Variants in BEND7 observed in about 807,000 individuals in gnomAD.
BEND7 encodes the protein BEN domain containing 7.
In BEND7, 28 loss-of-function variants were observed where a neutral mutation model predicts 50.9. The observed-to-expected ratio is 0.55, with a 90% CI of 0.41 to 0.75. The LOEUF is 0.75. Ranked by LOEUF, BEND7 falls within the 30% of genes least tolerant of loss-of-function variation. The pLI is 0.00. For synonymous variants in BEND7, 170 were observed against 183.9 expected, an observed-to-expected ratio of 0.92 and a Z score of 0.61; for missense variants, 477 against 491.3, an observed-to-expected ratio of 0.97 and a Z score of 0.28.
At position 13,472,502 on chromosome 10, in the gene BEND7, G is replaced by A. The variant is rs561155675; in HGVS notation, c.1063+8397C>T. ...TGCTGTTAGACTCGGGGCTGATATCGTCATCATTGTTAGACTTGGGGCTGG... is the reference window on the plus strand; with the variant it reads ...TGCTGTTAGACTCGGGGCTGATATCATCATCATTGTTAGACTTGGGGCTGG... On this transcript the variant is annotated intron_variant, in intron 6 of 8. Transcript: ENST00000466271. Among the ~76,000 whole-genome samples the A allele has an allele frequency of 3.3e-4, 49 of 150,450 alleles. 1 individual carries two copies. In the South Asian group the frequency reaches 9.6e-3, roughly 30 times the overall value.
At chr10:13,485,231 G>A (rs1239321168) in intron 5 of BEND7, among the ~76,000 whole-genome samples, 1 of 152,006 alleles carries the variant, frequency 6.6e-6, no homozygotes, top group African/African-American at 2.4e-5. Context: ...TTCTATCATA[G>A]GCTATTTTAT....
At chr10:13,477,877 G>C (rs909632434) in intron 6 of BEND7, among the ~76,000 whole-genome samples, 2 of 152,172 alleles carry the variant, frequency 1.3e-5, no homozygotes, top group Non-Finnish European at 2.9e-5. Flanking sequence ...GGAAATACTG[G>C]TCTGTGTGAA....
intron 6 of BEND7, among the ~76,000 whole-genome samples, chr10:13,464,424 T>G (rs2074021787): frequency 6.6e-6 from 1 of 152,234 alleles, no homozygotes; most frequent in Non-Finnish European, 1.5e-5. Flanking sequence ...CGTGTGATGC[T>G]GTGGCCACAG....
chr10:13,448,702 G>A (rs112237440), intron 7 of BEND7, among the ~76,000 whole-genome samples: 1 of 152,162 alleles, frequency 6.6e-6, no homozygotes, highest in South Asian at 2.1e-4. Context: ...GGTTGGATTA[G>A]ATTAGCAACT....
chr10:13,441,956 T>C (rs186736687), intron 8 of BEND7: 462 of 597,920 alleles, frequency 7.7e-4, no homozygotes, highest in Non-Finnish European at 1.2e-3. Flanking sequence ...AAGCCAGCTT[T>C]TTGTTACAGT....
chr10:13,501,616 A>C (rs2077471163), intron 2 of BEND7, among the ~76,000 whole-genome samples: 2 of 151,724 alleles, frequency 1.3e-5, no homozygotes, highest in African/African-American at 4.8e-5. Flanking sequence ...GGAGGCTGAG[A>C]TGGGAGGGTC....
intron 2 of BEND7, among the ~76,000 whole-genome samples, chr10:13,524,156 C>T (rs1038677913): frequency 6.6e-6 from 1 of 152,196 alleles, no homozygotes; most frequent in Admixed American, 6.5e-5. Context: ...CTTATCCTTA[C>T]AATTCACTTC....
intron 4 of BEND7, among the ~76,000 whole-genome samples, chr10:13,494,621 T>C (rs2132064544): frequency 6.6e-6 from 1 of 152,298 alleles, no homozygotes; most frequent in African/African-American, 2.4e-5. Context: ...ACCCTCAGAA[T>C]CAAAGGGACC....
At chr10:13,493,287 G>C (rs1410165360) in intron 4 of BEND7, among the ~76,000 whole-genome samples, 2 of 152,146 alleles carry the variant, frequency 1.3e-5, no homozygotes, top group African/African-American at 4.8e-5. Flanking sequence ...TTACATTTGG[G>C]GTTAGACTGA....
At chr10:13,453,279 C>G (rs559541544) in intron 6 of BEND7, among the ~76,000 whole-genome samples, 32 of 152,268 alleles carry the variant, frequency 2.1e-4, no homozygotes, top group African/African-American at 7.7e-4. Context: ...CGTGGGAGGG[C>G]TATGCACAGT....
chr10:13,487,660 A>T (rs541827554), intron 5 of BEND7, among the ~76,000 whole-genome samples: 1 of 152,088 alleles, frequency 6.6e-6, no homozygotes, highest in Non-Finnish European at 1.5e-5. Context: ...TGCTAGGATT[A>T]CAGGCGTGAG....
At chr10:13,470,721 G>T (rs1028734684) in intron 6 of BEND7, among the ~76,000 whole-genome samples, 1 of 152,206 alleles carries the variant, frequency 6.6e-6, no homozygotes, top group African/African-American at 2.4e-5. Context: ...CAACGGCAGG[G>T]ATCCGAATTC....
chr10:13,489,524 G>C (rs1056524640), intron 5 of BEND7, among the ~76,000 whole-genome samples: 1 of 152,056 alleles, frequency 6.6e-6, no homozygotes, highest in Non-Finnish European at 1.5e-5. Flanking sequence ...CGGATAAGAA[G>C]AATACCTCAA....
intron 5 of BEND7, among the ~76,000 whole-genome samples, chr10:13,483,688 T>C (rs2076025349): frequency 6.6e-6 from 1 of 152,176 alleles, no homozygotes; most frequent in Non-Finnish European, 1.5e-5. Context: ...CCCCTCCATG[T>C]GTAGGAATCT....
Position 13,452,666 on chromosome 10 carries a change from A to G in BEND7, c.1064-8T>C. The G allele has an allele frequency of 6.4e-7, 1 of 1,574,604 alleles. No homozygotes were observed. The highest frequency in any genetic ancestry group is 1.2e-5 in the South Asian group (1 of 84,410). On this transcript the variant is annotated splice_region_variant and splice_polypyrimidine_tract_variant and intron_variant, in intron 6 of 8. Coordinates refer to ENST00000466271, the MANE Select transcript of BEND7 (RefSeq NM_001369863.1). ...AGTACTTTTCTGTGAAGACTGAAAG[A>G]AAATGTAAAATATTGTTAAATACCT...
At chr10:13,495,393 G>T (rs2076956006) in intron 4 of BEND7, among the ~76,000 whole-genome samples, 1 of 152,214 alleles carries the variant, frequency 6.6e-6, no homozygotes, top group African/African-American at 2.4e-5. Context: ...CCGGCGCGGT[G>T]GCTCACGCCT....
chr10:13,494,342 A>T (rs539769662), intron 4 of BEND7, among the ~76,000 whole-genome samples: 2 of 152,312 alleles, frequency 1.3e-5, no homozygotes, highest in East Asian at 3.9e-4. Context: ...ACTTGAACCC[A>T]GGAGGCGGAG....
At chr10:13,505,103 C>G (rs1232610960) in intron 2 of BEND7, among the ~76,000 whole-genome samples, 1 of 152,242 alleles carries the variant, frequency 6.6e-6, no homozygotes, top group Non-Finnish European at 1.5e-5. Flanking sequence ...TTTGTGTTGC[C>G]TTGGCATCCA....
At chr10:13,515,039 GA>G (rs1489871323) in intron 2 of BEND7, among the ~76,000 whole-genome samples, 1 of 152,110 alleles carries the variant, frequency 6.6e-6, no homozygotes, top group Non-Finnish European at 1.5e-5. Context: ...TAAATTCTTG[GA>G]ATCACTGAGT....
Sources: allele counts gnomAD v4.1 joint callset (sites outside exome capture counted in the v4.1 genomes callset), GRCh38; gene constraint gnomAD v4.1.1; transcripts MANE v1.5; gene names NCBI Gene and HGNC (gene_info 2026-07-23, HGNC 2026-07-21).